METTL8: variants seen among roughly 807,000 people sequenced by gnomAD.
METTL8 encodes methyltransferase 8, tRNA N3-cytidine.
In METTL8, 32 loss-of-function variants were observed where a neutral mutation model predicts 48.7. The observed-to-expected ratio is 0.66, with a 90% confidence interval of 0.50 to 0.88. The LOEUF (loss-of-function observed/expected upper bound fraction) is 0.88, where lower values mean the gene tolerates loss of function less well. METTL8 is among the 40% of genes least tolerant of loss of function. METTL8 has a pLI of 0.00. For synonymous variants in METTL8, 136 were observed against 157.1 expected (o/e 0.87, Z 1.01); for missense variants, 464 against 474.4 (o/e 0.98, Z 0.20).
At chr2:171,409,447 A>C (rs191617664) in intron 1 of METTL8, among the ~76,000 whole-genome samples, 1 of 152,176 alleles carries the variant, frequency 6.6e-6, no homozygotes, top group Admixed American at 6.5e-5. Flanking sequence ...ACTGTCTAGC[A>C]ATCAGGTACT....
intron 2 of METTL8, among the ~76,000 whole-genome samples, chr2:171,387,933 TATC>T (rs1688235672): frequency 1.3e-5 from 2 of 152,198 alleles, no homozygotes; most frequent in African/African-American, 4.8e-5. Flanking sequence ...TGTCTGCAGA[TATC>T]ATGCCCAACT....
intron 1 of METTL8, among the ~76,000 whole-genome samples, chr2:171,413,766 C>T (rs143511410): frequency 2.8e-3 from 432 of 152,124 alleles, no homozygotes; most frequent in African/African-American, 9.4e-3. Flanking sequence ...ATATGGATAG[C>T]GGAAAGCCCA....
Position 171,322,947 on chromosome 2 carries a change from G to A in METTL8, c.*1225C>T, listed in dbSNP as rs539412377. 3 of 152,200 alleles carry A rather than the reference G, an allele frequency of 2.0e-5. No individual in the cohort carries two copies. Among genetic ancestry groups the A allele is most frequent in the Non-Finnish European group, 4.4e-5 (3 of 68,058 alleles). 9.4% of individuals were successfully genotyped at this position (152,200 alleles called of 1,614,324 possible). On this transcript the variant is annotated 3_prime_UTR_variant, in exon 10 of 10. Transcript: ENST00000375258. ...GGCATTTGTAAACTATCATGGCACTGGTGGGAGTGTAGCAGTGAGGACAGC... is the reference window on the plus strand; with the variant it reads ...GGCATTTGTAAACTATCATGGCACTAGTGGGAGTGTAGCAGTGAGGACAGC...
At chr2:171,408,130 T>G (rs1212231385) in intron 1 of METTL8, among the ~76,000 whole-genome samples, 1 of 152,198 alleles carries the variant, frequency 6.6e-6, no homozygotes, top group Admixed American at 6.5e-5. Context: ...AGGAGCTCTA[T>G]GTACAAGGAG....
intron 1 of METTL8, among the ~76,000 whole-genome samples, chr2:171,426,578 ATT>A (rs1398729092): frequency 6.6e-6 from 1 of 152,226 alleles, no homozygotes; most frequent in Non-Finnish European, 1.5e-5. Context: ...TTGAATAAAT[ATT>A]GTTTAAAATA....
At chr2:171,325,782 G>A (rs13031794) in intron 9 of METTL8, 59 bp downstream of exon 9, 228,056 of 1,017,420 alleles carry the variant, frequency 0.22, 27,462 homozygotes, top group Non-Finnish European at 0.25. Context: ...TATAATCAAT[G>A]AGATAATAAC....
At chr2:171,393,138 A>C (rs573489043) in intron 1 of METTL8, among the ~76,000 whole-genome samples, 1 of 151,512 alleles carries the variant, frequency 6.6e-6, no homozygotes, top group African/African-American at 2.4e-5. Context: ...TGCATGCTTA[A>C]GGCCAGCTGC....
chr2:171,346,272 C>A (rs1687257020), intron 3 of METTL8, among the ~76,000 whole-genome samples: 1 of 152,226 alleles, frequency 6.6e-6, no homozygotes, highest in African/African-American at 2.4e-5. Context: ...AGAGATCCTT[C>A]CACCTTGGCC....
At position 171,318,393 on chromosome 2, in the gene METTL8, T is replaced by A. The variant is rs1684363711; in HGVS notation, c.*5779A>T. The A allele has an allele frequency of 6.6e-6, 1 of 152,238 alleles. No individual in the cohort carries two copies. Among genetic ancestry groups the A allele is most frequent in the Non-Finnish European group, 1.5e-5 (1 of 68,042 alleles). 9.4% of individuals were successfully genotyped at this position (152,238 alleles called of 1,614,324 possible). ...ATTATGGACACCTCCTGATTTCACA[T>A]ATTTTACATTACCCTAGAGCTGAAT... On this transcript the variant is annotated 3_prime_UTR_variant, in exon 10 of 10. Coordinates refer to ENST00000375258, the MANE Select transcript of METTL8 (RefSeq NM_001321154.2).
intron 1 of METTL8, among the ~76,000 whole-genome samples, chr2:171,396,215 T>C (rs149968017): frequency 4.0e-4 from 61 of 152,054 alleles, no homozygotes; most frequent in African/African-American, 1.3e-3. Context: ...TGAGCCGAGA[T>C]TGTGCCACTG....
In METTL8 at chr2:171,352,884, G is replaced by A. The variant is rs201767772; in HGVS notation, c.235+7538C>T. ...TTTCTTCTTTATTAGTCTTGCTAGC[G>A]GTCTATCAATTTTGTTGATCTTTTC... On this transcript the variant is annotated intron_variant, in intron 3 of 9. Transcript: ENST00000375258. Among the ~76,000 whole-genome samples, 21 of 151,936 alleles carry A rather than the reference G, an allele frequency of 1.4e-4. No individual in the cohort carries two copies. The South Asian group carries it at 1.9e-3, about 14-fold the overall frequency.
At chr2:171,351,019 T>C (rs991865323) in intron 3 of METTL8, among the ~76,000 whole-genome samples, 7 of 152,250 alleles carry the variant, frequency 4.6e-5, no homozygotes, top group African/African-American at 1.7e-4. Flanking sequence ...TTTGGTGTTT[T>C]AGACATGAAG....
upstream of METTL8, chr2:171,434,524 T>C (rs1487579813): frequency 4.6e-6 from 7 of 1,520,676 alleles, no homozygotes; most frequent in African/African-American, 7.0e-5. Context: ...AGCACGGGAG[T>C]GTGGGGCGCG....
At chr2:171,331,124 CTTTT>C (rs1284602872) in intron 6 of METTL8, among the ~76,000 whole-genome samples, 1 of 151,924 alleles carries the variant, frequency 6.6e-6, no homozygotes, top group African/African-American at 2.4e-5. Flanking sequence ...TTCTTTCTTT[CTTTT>C]TGAGACACAG....
intron 5 of METTL8, among the ~76,000 whole-genome samples, chr2:171,335,568 T>A (rs921239757): frequency 2.2e-4 from 33 of 151,672 alleles, no homozygotes; most frequent in Non-Finnish European, 1.5e-5. Flanking sequence ...AGGATTACAA[T>A]TGTGCACCAC....
rs1406244694 is a variant in METTL8 at position 171,331,653 on chromosome 2, G to C, written c.720+151C>G. 5 of 576,902 alleles carry C rather than the reference G, an allele frequency of 8.7e-6. No individual in the cohort carries two copies. In the East Asian group the frequency reaches 1.7e-4, roughly 20 times the overall value. The allele number at this position is 576,902 out of a possible 1,614,324, so 35.7% of individuals were successfully genotyped here. ...GCTGGTCTCAAACTCCTGACCCCAG[G>C]TGATCCACCCACCTTGGCCTCCCAA... On this transcript the variant is annotated intron_variant, in intron 6 of 9. Transcript: ENST00000375258.
In METTL8 at chr2:171,373,788, G is replaced by A. The variant is rs533872200; in HGVS notation, c.144-13275C>T. Among the ~76,000 whole-genome samples, 82 of 152,268 alleles carry A rather than the reference G, an allele frequency of 5.4e-4. 1 individual carries two copies. In the East Asian group the frequency reaches 0.012, roughly 21 times the overall value. On this transcript the variant is annotated intron_variant, in intron 2 of 9. Coordinates refer to ENST00000375258, the MANE Select transcript of METTL8 (RefSeq NM_001321154.2). ...CAGGTTTGTCAAAGATCAGATGGTT[G>A]TAGATGTGTGGTATTATTTCTGAGG...
chr2:171,372,928 G>C (rs544588854), intron 2 of METTL8, among the ~76,000 whole-genome samples: 156 of 152,212 alleles, frequency 1.0e-3, no homozygotes, highest in African/African-American at 3.5e-3. Flanking sequence ...ATTGTGAATA[G>C]TGCCGCAATA....
intron 1 of METTL8, among the ~76,000 whole-genome samples, chr2:171,413,593 A>C (rs1690972121): frequency 6.6e-6 from 1 of 152,216 alleles, no homozygotes; most frequent in Admixed American, 6.5e-5. Flanking sequence ...ATAAATATTT[A>C]AACAATTAAT....
Sources: allele counts gnomAD v4.1 joint callset (sites outside exome capture counted in the v4.1 genomes callset), GRCh38; gene constraint gnomAD v4.1.1; transcripts MANE v1.5; gene names NCBI Gene and HGNC (gene_info 2026-07-23, HGNC 2026-07-21).